Variants in CTNND2 observed in about 807,000 individuals in gnomAD.
The protein encoded by CTNND2 is catenin delta-2.
CTNND2 carries 22 observed loss-of-function variants against 144.4 expected under a neutral mutation model. The ratio of observed to expected loss-of-function variants is 0.15; its 90% confidence interval spans 0.11 to 0.22. The LOEUF is 0.22. CTNND2 is among the 10% of genes least tolerant of loss of function. The pLI is 1.00. For synonymous variants in CTNND2, 751 were observed against 695.6 expected (o/e 1.08, Z -1.25); for missense variants, 1,353 against 1,618.8 (o/e 0.84, Z 2.82).
intron 9 of CTNND2, among the ~76,000 whole-genome samples, chr5:11,279,715 G>T (rs1264807687): frequency 6.6e-6 from 1 of 152,192 alleles, no homozygotes; most frequent in Non-Finnish European, 1.5e-5. Flanking sequence ...TGTACAGGAA[G>T]CATGGTGGCA....
intron 10 of CTNND2, among the ~76,000 whole-genome samples, chr5:11,201,915 C>A (rs548434782): frequency 3.0e-4 from 45 of 152,280 alleles, no homozygotes; most frequent in African/African-American, 9.9e-4. Context: ...TGTTCATGTA[C>A]CCAGATTATA....
intron 1 of CTNND2, among the ~76,000 whole-genome samples, chr5:11,774,949 C>T (rs1790168870): frequency 6.6e-6 from 1 of 152,194 alleles, no homozygotes; most frequent in Non-Finnish European, 1.5e-5. Context: ...CAGCTTCTCA[C>T]TTCTTACATC....
intron 15 of CTNND2, among the ~76,000 whole-genome samples, chr5:11,095,661 T>C (rs1362001373): frequency 6.6e-6 from 1 of 152,248 alleles, no homozygotes. Flanking sequence ...GAGGACAGTC[T>C]TAGCAGCTCA....
At chr5:11,873,349 G>C (rs1735305119) in intron 1 of CTNND2, among the ~76,000 whole-genome samples, 2 of 152,180 alleles carry the variant, frequency 1.3e-5, no homozygotes, top group African/African-American at 4.8e-5. Context: ...CCAAAACATA[G>C]CTGCATTTTG....
chr5:11,839,421 A>G (rs536651745), intron 1 of CTNND2, among the ~76,000 whole-genome samples: 18 of 152,056 alleles, frequency 1.2e-4, no homozygotes, highest in Non-Finnish European at 2.5e-4. Context: ...CCCCAGATTT[A>G]GTGGCATGAA....
chr5:11,825,952 G>A (rs1394952183), intron 1 of CTNND2, among the ~76,000 whole-genome samples: 1 of 151,920 alleles, frequency 6.6e-6, no homozygotes, highest in Non-Finnish European at 1.5e-5. Context: ...CAAATACTGA[G>A]CCATTTTCTT....
intron 6 of CTNND2, among the ~76,000 whole-genome samples, chr5:11,390,004 G>C (rs1759495625): frequency 6.6e-6 from 1 of 152,180 alleles, no homozygotes; most frequent in African/African-American, 2.4e-5. Context: ...GGATACGCAA[G>C]TATTCTAAAA....
intron 13 of CTNND2, 52 bp from the exon 14 acceptor site, chr5:11,111,095 A>T (rs1752922635): frequency 1.9e-6 from 3 of 1,549,312 alleles, no homozygotes; most frequent in East Asian, 4.6e-5. Flanking sequence ...AGCACTCAGC[A>T]CTCCATTCTT....
chr5:11,104,979 G>C (rs1270015448), intron 14 of CTNND2, among the ~76,000 whole-genome samples: 1 of 152,236 alleles, frequency 6.6e-6, no homozygotes, highest in Non-Finnish European at 1.5e-5. Flanking sequence ...CATCCCTCAG[G>C]AGTGAAGCTG....
chr5:11,154,028 C>A (rs1288664523), intron 12 of CTNND2, among the ~76,000 whole-genome samples: 1 of 152,140 alleles, frequency 6.6e-6, no homozygotes, highest in Non-Finnish European at 1.5e-5. Context: ...ACAGCCACAG[C>A]GGGATCTTTA....
At chr5:11,172,117 A>G (rs780928224) in intron 11 of CTNND2, among the ~76,000 whole-genome samples, 2 of 152,210 alleles carry the variant, frequency 1.3e-5, no homozygotes, top group Non-Finnish European at 2.9e-5. Context: ...GGGGGGCATT[A>G]AGAAAGATAC....
At chr5:10,974,841 G>A (rs1736250961) in intron 21 of CTNND2, among the ~76,000 whole-genome samples, 1 of 152,202 alleles carries the variant, frequency 6.6e-6, no homozygotes, top group Non-Finnish European at 1.5e-5. Context: ...GTAAATGAAT[G>A]CTTTTAAAGG....
intron 2 of CTNND2, among the ~76,000 whole-genome samples, chr5:11,592,224 C>A (rs1215305422): frequency 6.3e-5 from 9 of 143,542 alleles, no homozygotes; most frequent in African/African-American, 2.3e-4. Flanking sequence ...TCCAGTCTGC[C>A]TTCCTGCCTG....
intron 2 of CTNND2, among the ~76,000 whole-genome samples, chr5:11,602,328 G>C (rs1191827645): frequency 6.6e-6 from 1 of 151,820 alleles, no homozygotes; most frequent in Non-Finnish European, 1.5e-5. Flanking sequence ...TTGTCATCTG[G>C]GAAGATCTGA....
chr5:11,589,094 A>T, intron 2 of CTNND2: 5 of 940,466 alleles, frequency 5.3e-6, no homozygotes, highest in Non-Finnish European at 6.3e-6. Flanking sequence ...AGAAAAGAAT[A>T]GAGTTCAGCC....
At chr5:11,635,576 T>C (rs1781642245) in intron 2 of CTNND2, among the ~76,000 whole-genome samples, 1 of 152,218 alleles carries the variant, frequency 6.6e-6, no homozygotes, top group Admixed American at 6.5e-5. Context: ...TTTTTCAGAA[T>C]TGCCACAACT....
At chr5:11,828,516 G>C (rs1435292571) in intron 1 of CTNND2, among the ~76,000 whole-genome samples, 1 of 152,080 alleles carries the variant, frequency 6.6e-6, no homozygotes, top group Non-Finnish European at 1.5e-5. Context: ...GGCAACAAGA[G>C]TGAAACTCCG....
rs1157713122 is a variant in CTNND2, at chr5:11,817,410, GGAGAGAGAGAGAGAGAGAGAGA to G, written c.38-85160_38-85139del. 8.7e-3 allele frequency among the ~76,000 whole-genome samples: 194 copies of G among 22,340 alleles called. 16 individuals carry two copies. Among genetic ancestry groups the G allele is most frequent in the African/African-American group, 0.028 (119 of 4,198 alleles). 14.7% of individuals were successfully genotyped at this position (22,340 alleles called of 152,430 possible). On this transcript the variant is annotated intron_variant, in intron 1 of 21. Transcript: ENST00000304623. ...GGGGGGAGAGAGAGAGAGAGAGGAG[GGAGAGAGAGAGAGAGAGAGAGA>G]GAGAGAGAGAGAGAGAGAGAGAGAG...
chr5:11,581,435 C>T (rs936544425), intron 2 of CTNND2, among the ~76,000 whole-genome samples: 2 of 152,180 alleles, frequency 1.3e-5, no homozygotes, highest in Non-Finnish European at 2.9e-5. Flanking sequence ...TGATTTGCCA[C>T]AGACTCTTTT....
Sources: gnomAD v4.1 joint callset for allele counts (sites outside exome capture counted in the v4.1 genomes callset) on GRCh38, gnomAD v4.1.1 for gene constraint, MANE v1.5 for transcripts, NCBI Gene and HGNC (gene_info 2026-07-23, HGNC 2026-07-21) for gene names.